MAF: variants seen among roughly 807,000 people sequenced by gnomAD.
MAF encodes MAF bZIP transcription factor.
In MAF, 10 loss-of-function variants were observed where a neutral mutation model predicts 22.0. That is an observed-to-expected ratio of 0.45 (90% CI 0.28 to 0.77). The LOEUF (loss-of-function observed/expected upper bound fraction) is 0.77. Ranked by LOEUF, MAF falls within the 30% of genes least tolerant of loss-of-function variation. MAF has a pLI of 0.12. For synonymous variants in MAF, 337 were observed against 255.8 expected (o/e 1.32, Z -3.03); for missense variants, 544 against 548.4 (o/e 0.99, Z 0.08).
the MAF span, among the ~76,000 whole-genome samples, chr16:79,251,899 G>C: frequency 6.6e-6 from 1 of 151,204 alleles, no homozygotes; most frequent in Admixed American, 6.9e-5. Flanking sequence ...TTCTGTGTAT[G>C]TGTGTGTGTG....
the MAF span, among the ~76,000 whole-genome samples, chr16:79,270,832 C>A: frequency 1.3e-5 from 2 of 151,780 alleles, no homozygotes; most frequent in South Asian, 2.1e-4. Flanking sequence ...ACCCTATACA[C>A]AGACACAGAC....
chr16:79,575,571 A>G, the MAF span, among the ~76,000 whole-genome samples: 6 of 152,152 alleles, frequency 3.9e-5, no homozygotes, highest in African/African-American at 1.4e-4. Flanking sequence ...AGGAACTGGC[A>G]TGTTTAGGGT....
At chr16:79,585,841 A>G, downstream of MAF, 1 of 618,538 alleles carries the variant, frequency 1.6e-6, no homozygotes, top group South Asian at 1.9e-5. Context: ...AAAAAAAAAA[A>G]AAAACTCAAG....
the MAF span, among the ~76,000 whole-genome samples, chr16:79,237,764 G>A: frequency 1.3e-5 from 2 of 152,118 alleles, no homozygotes; most frequent in African/African-American, 4.8e-5. Flanking sequence ...TGTCATTTCT[G>A]CCCTTGATCC....
the MAF span, among the ~76,000 whole-genome samples, chr16:79,503,521 C>T: frequency 1.3e-5 from 2 of 152,186 alleles, 1 homozygote; most frequent in Non-Finnish European, 2.9e-5. Flanking sequence ...AGATACATCT[C>T]CCTACTGGAC....
the MAF span, among the ~76,000 whole-genome samples, chr16:79,234,568 C>G: frequency 6.6e-6 from 1 of 151,984 alleles, no homozygotes; most frequent in Non-Finnish European, 1.5e-5. Context: ...TAAAAGCAAC[C>G]CATTTTGCAA....
the MAF span, among the ~76,000 whole-genome samples, chr16:79,418,323 T>C: frequency 6.6e-6 from 1 of 152,098 alleles, no homozygotes; most frequent in Admixed American, 6.6e-5. Flanking sequence ...CACGGTCAGC[T>C]GGGAGCAGCC....
At chr16:79,452,197 A>T in the MAF span, among the ~76,000 whole-genome samples, 1 of 152,192 alleles carries the variant, frequency 6.6e-6, no homozygotes, top group African/African-American at 2.4e-5. Context: ...GAAATTGCTG[A>T]CCCCTGACAG....
At chr16:79,465,648 C>A in the MAF span, among the ~76,000 whole-genome samples, 1 of 152,062 alleles carries the variant, frequency 6.6e-6, no homozygotes, top group Non-Finnish European at 1.5e-5. Context: ...TACTTGTAAA[C>A]ACATATTATT....
the MAF span, among the ~76,000 whole-genome samples, chr16:79,546,591 G>C: frequency 2.0e-5 from 3 of 152,160 alleles, no homozygotes; most frequent in East Asian, 1.9e-4. Flanking sequence ...CATCAGGACA[G>C]ATTAACTCAT....
the MAF span, among the ~76,000 whole-genome samples, chr16:79,209,641 C>G: frequency 7.2e-5 from 11 of 152,148 alleles, no homozygotes; most frequent in Non-Finnish European, 1.5e-4. Flanking sequence ...TGACAGATAT[C>G]TGGAAGTTGA....
At chr16:79,249,588 C>A in the MAF span, among the ~76,000 whole-genome samples, 3 of 152,054 alleles carry the variant, frequency 2.0e-5, no homozygotes, top group African/African-American at 4.8e-5. Context: ...AGAAATAAAT[C>A]TCTATTGTTT....
the MAF span, among the ~76,000 whole-genome samples, chr16:79,517,781 G>C: frequency 7.3e-3 from 1,106 of 152,064 alleles, 8 homozygotes; most frequent in African/African-American, 0.025. Flanking sequence ...CACCATGTTG[G>C]CCAGGCTGGT....
the MAF span, among the ~76,000 whole-genome samples, chr16:79,240,248 A>G: frequency 6.6e-6 from 1 of 151,408 alleles, no homozygotes; most frequent in East Asian, 1.9e-4. Context: ...TTTTTGAATG[A>G]AAAAAAATTG....
chr16:79,411,531 G>A, the MAF span, among the ~76,000 whole-genome samples: 1 of 152,264 alleles, frequency 6.6e-6, no homozygotes. Flanking sequence ...CCCTGCAGGG[G>A]TCTGTTTGGG....
chr16:79,440,594 C>G, the MAF span, among the ~76,000 whole-genome samples: 3 of 152,116 alleles, frequency 2.0e-5, no homozygotes. Flanking sequence ...CGCCACCATG[C>G]CCGGCTAGTT....
chr16:79,352,765 G>C, the MAF span, among the ~76,000 whole-genome samples: 1 of 152,138 alleles, frequency 6.6e-6, no homozygotes. Flanking sequence ...TAGGGGAATT[G>C]TAGTGAATAT....
At chr16:79,347,235 C>T in the MAF span, among the ~76,000 whole-genome samples, 1 of 152,218 alleles carries the variant, frequency 6.6e-6, no homozygotes, top group African/African-American at 2.4e-5. Flanking sequence ...ACTGCAGCTG[C>T]ACGTGTGGGC....
At chr16:79,291,023 G>A in the MAF span, among the ~76,000 whole-genome samples, 3 of 152,010 alleles carry the variant, frequency 2.0e-5, no homozygotes, top group East Asian at 1.9e-4. Context: ...GCCCCATTAC[G>A]AATGCTCGAG....
Sources: gnomAD v4.1 joint callset for allele counts (sites outside exome capture counted in the v4.1 genomes callset) on GRCh38, gnomAD v4.1.1 for gene constraint, MANE v1.5 for transcripts, NCBI Gene and HGNC (gene_info 2026-07-23, HGNC 2026-07-21) for gene names.